The following CABLES1 variants were observed in gnomAD, a reference collection of about 807,000 sequenced individuals.
CABLES1 encodes the protein CDK5 and ABL1 enzyme substrate 1.
A neutral mutation model predicts 57.8 loss-of-function variants in CABLES1; 36 were observed. The observed-to-expected ratio is 0.62, with a 90% CI of 0.48 to 0.82. The LOEUF is 0.82. Among genes scored for constraint, CABLES1 ranks in the 40% least tolerant of loss-of-function variants. The probability of loss-of-function intolerance (pLI) is 0.00; values close to 1 mark genes in which losing one functional copy is unlikely to be tolerated. For missense variants in CABLES1, 767 were observed against 836.6 expected, an observed-to-expected ratio of 0.92 and a Z score of 1.03; for synonymous variants, 374 against 363.0, an observed-to-expected ratio of 1.03 and a Z score of -0.35.
intron 1 of CABLES1, among the ~76,000 whole-genome samples, chr18:23,185,765 G>T (rs1211817804): frequency 1.3e-5 from 2 of 152,200 alleles, no homozygotes; most frequent in African/African-American, 2.4e-5. Flanking sequence ...AGAACGTGTC[G>T]AGATTCTCAG....
intron 1 of CABLES1, among the ~76,000 whole-genome samples, chr18:23,158,321 A>G (rs2046979238): frequency 6.6e-6 from 1 of 152,110 alleles, no homozygotes; most frequent in Non-Finnish European, 1.5e-5. Flanking sequence ...TAATAACACC[A>G]AACATCTGAG....
In CABLES1 at chr18:23,252,962, A is replaced by G. The variant is rs956946875; in HGVS notation, c.1449A>G (p.Thr483=). The stretch of plus-strand genomic sequence containing the variant: ...CCGTGTTCCCCTGTCTGTTACAGAC[A>G]ACAGTGATTGACTACGTGAAGCCCT... ...KRVLIFPSYM[T]TVIDYVKPSD... The change falls in exon 8 of 10, where the codon ACA becomes ACG. Residue 483 remains threonine, a splice_region_variant and synonymous_variant. Coordinates refer to ENST00000256925, the MANE Select transcript of CABLES1 (RefSeq NM_001100619.3). The G allele has an allele frequency of 1.0e-5, 16 of 1,604,964 alleles. No individual in the cohort carries two copies. Among genetic ancestry groups the G allele is most frequent in the African/African-American group, 6.7e-5 (5 of 74,744 alleles).
intron 1 of CABLES1, among the ~76,000 whole-genome samples, chr18:23,188,601 C>A (rs1297603841): frequency 6.0e-5 from 9 of 149,430 alleles, no homozygotes; most frequent in African/African-American, 2.3e-4. Flanking sequence ...AAGGATCAGT[C>A]ACTTCCTTAA....
In CABLES1 at chr18:23,217,804, C is replaced by T. The variant is rs2047453048; in HGVS notation, c.1088+3750C>T. 3.3e-5 allele frequency among the ~76,000 whole-genome samples: 5 copies of T among 152,236 alleles called. No individual in the cohort carries two copies. The South Asian group carries it at 8.3e-4, about 25-fold the overall frequency. On this transcript the variant is annotated intron_variant, in intron 4 of 9. Transcript: ENST00000256925. ...AGTGGAAAATTCCTTTACTTTTACG[C>T]TGAAGTTCTTTTTGTGACTGGGACG...
At chr18:23,210,302 G>C (rs1438438364) in intron 3 of CABLES1, among the ~76,000 whole-genome samples, 1 of 152,168 alleles carries the variant, frequency 6.6e-6, no homozygotes, top group Non-Finnish European at 1.5e-5. Context: ...GTAAAGTGTT[G>C]TATGTCACAG....
chr18:23,150,207 G>GTGT (rs1555658963), intron 1 of CABLES1, among the ~76,000 whole-genome samples: 1 of 106,674 alleles, frequency 9.4e-6, no homozygotes, highest in Non-Finnish European at 1.7e-5. Flanking sequence ...GTTGGTGTTT[G>GTGT]TTTTTTTTTT....
At chr18:23,245,530 G>A (rs963057709) in intron 7 of CABLES1, among the ~76,000 whole-genome samples, 2 of 151,228 alleles carry the variant, frequency 1.3e-5, no homozygotes, top group African/African-American at 4.9e-5. Flanking sequence ...AGCGAAATAG[G>A]TATCAGTGTT....
intron 1 of CABLES1, among the ~76,000 whole-genome samples, chr18:23,169,977 G>A (rs962044505): frequency 7.2e-5 from 11 of 152,172 alleles, no homozygotes; most frequent in East Asian, 3.8e-4. Flanking sequence ...AGCTGTAGCC[G>A]CGTGGGAGGG....
At chr18:23,167,796 G>A (rs561234301) in intron 1 of CABLES1, among the ~76,000 whole-genome samples, 100 of 152,286 alleles carry the variant, frequency 6.6e-4, no homozygotes, top group African/African-American at 2.3e-3. Context: ...GCTGCAGGTC[G>A]TTGGGGGCCT....
intron 1 of CABLES1, among the ~76,000 whole-genome samples, chr18:23,186,070 T>C (rs987369312): frequency 1.3e-5 from 2 of 152,162 alleles, no homozygotes; most frequent in African/African-American, 4.8e-5. Context: ...ACAGAGTTAG[T>C]TGTGCTTTGA....
chr18:23,219,768 G>A (rs1429667679), intron 4 of CABLES1, among the ~76,000 whole-genome samples: 3 of 152,218 alleles, frequency 2.0e-5, no homozygotes, highest in African/African-American at 7.2e-5. Flanking sequence ...ATTCTTGTCA[G>A]TGCTGCTGAT....
intron 7 of CABLES1, among the ~76,000 whole-genome samples, chr18:23,241,160 TCTTC>T (rs1182453718): frequency 4.6e-5 from 7 of 152,218 alleles, no homozygotes; most frequent in Admixed American, 2.0e-4. Flanking sequence ...TTGGGGTCCA[TCTTC>T]CTTCATACAA....
intron 1 of CABLES1, among the ~76,000 whole-genome samples, chr18:23,139,647 T>C (rs540598071): frequency 6.6e-6 from 1 of 152,300 alleles, no homozygotes; most frequent in African/African-American, 2.4e-5. Context: ...TTGACATCTA[T>C]TGTATTTAGC....
intron 1 of CABLES1, 69 bp downstream of exon 1, chr18:23,136,676 C>T (rs2046824799): frequency 9.5e-7 from 1 of 1,048,998 alleles, no homozygotes; most frequent in East Asian, 3.0e-5. Flanking sequence ...TCCCCGCGGT[C>T]TCTGGGCTAC....
At chr18:23,231,018 A>AC (rs144778098) in intron 4 of CABLES1, among the ~76,000 whole-genome samples, 7,183 of 152,160 alleles carry the variant, frequency 0.047, 611 homozygotes, top group Admixed American at 0.22. Flanking sequence ...TTGATCATGG[A>AC]CCCCATGGTC....
chr18:23,182,110 T>A (rs577558275), intron 1 of CABLES1, among the ~76,000 whole-genome samples: 62 of 152,298 alleles, frequency 4.1e-4, no homozygotes, highest in African/African-American at 1.5e-3. Flanking sequence ...TTGGCCCAGG[T>A]ATTTACCCAA....
At chr18:23,218,325 C>T (rs1418275926) in intron 4 of CABLES1, among the ~76,000 whole-genome samples, 306 of 118,192 alleles carry the variant, frequency 2.6e-3, no homozygotes, top group Middle Eastern at 8.4e-3. Flanking sequence ...CTTGCCCTGC[C>T]TCCCGCATCC....
chr18:23,220,360 G>A (rs1314846492), intron 4 of CABLES1, among the ~76,000 whole-genome samples: 1 of 152,158 alleles, frequency 6.6e-6, no homozygotes, highest in Non-Finnish European at 1.5e-5. Context: ...CGTTTCATCT[G>A]CCCAACAGCC....
intron 1 of CABLES1, among the ~76,000 whole-genome samples, chr18:23,161,244 A>G (rs2047001853): frequency 6.6e-6 from 1 of 152,088 alleles, no homozygotes; most frequent in South Asian, 2.1e-4. Flanking sequence ...GAGGAAGAGA[A>G]AGAAAGAAAA....
Sources: gnomAD v4.1 joint callset for allele counts (sites outside exome capture counted in the v4.1 genomes callset) on GRCh38, gnomAD v4.1.1 for gene constraint, MANE v1.5 for transcripts, NCBI Gene and HGNC (gene_info 2026-07-23, HGNC 2026-07-21) for gene names.